CNTN5: variants seen among roughly 807,000 people sequenced by gnomAD.
CNTN5 encodes contactin 5, also known as contactin-5.
Under a neutral mutation model 129.1 loss-of-function variants are expected in CNTN5, and 77 were observed. The ratio of observed to expected loss-of-function variants is 0.60; its 90% CI spans 0.50 to 0.72. The LOEUF (loss-of-function observed/expected upper bound fraction) is 0.72. Ranked by LOEUF, CNTN5 falls within the 30% of genes least tolerant of loss-of-function variation. The pLI, the probability that CNTN5 is intolerant of heterozygous loss-of-function variation, is 0.00. For missense variants in CNTN5, 1,478 were observed against 1,328.8 expected, an observed-to-expected ratio of 1.11 and a Z score of -1.75; for synonymous variants, 509 against 465.6, an observed-to-expected ratio of 1.09 and a Z score of -1.20.
rs190565986 is a variant in CNTN5 at position 99,627,337 on chromosome 11, A to G, written c.55+71068A>G. On this transcript the variant is annotated intron_variant, in intron 3 of 24. Coordinates refer to ENST00000524871, the MANE Select transcript of CNTN5 (RefSeq NM_014361.4). ...TGGCTTGTAGCTTTTATTTTTCTTAATGAAAATTTGACTGATACAACTTCT... is the reference window on the plus strand; with the variant it reads ...TGGCTTGTAGCTTTTATTTTTCTTAGTGAAAATTTGACTGATACAACTTCT... Among the ~76,000 whole-genome samples the G allele has an allele frequency of 4.6e-5, 7 of 152,254 alleles. No individual in the cohort carries two copies. The East Asian group carries it at 1.4e-3, about 29-fold the overall frequency.
chr11:99,626,298 G>A (rs963186829), intron 3 of CNTN5, among the ~76,000 whole-genome samples: 1 of 152,076 alleles, frequency 6.6e-6, no homozygotes, highest in Non-Finnish European at 1.5e-5. Context: ...CAGTGCCTCC[G>A]ACTTGGTAAA....
intron 2 of CNTN5, among the ~76,000 whole-genome samples, chr11:99,328,174 A>G (rs1016038195): frequency 9.2e-5 from 14 of 152,250 alleles, no homozygotes; most frequent in South Asian, 4.1e-4. Flanking sequence ...CGTTTGCGAC[A>G]TAAGTATTGT....
Position 99,819,855 on chromosome 11 carries a change from C to T in CNTN5, c.277+90C>T. 4.7e-6 allele frequency: 4 copies of T among 845,654 alleles called. No individual in the cohort carries two copies. In the South Asian group the frequency reaches 4.8e-5, roughly 10 times the overall value. 52.4% of individuals were successfully genotyped at this position (845,654 alleles called of 1,614,324 possible). ...GTTGCAACAGAGATCAAGACTATTC[C>T]AGTAGGAGAGAGTGATTGAACTCAA... On this transcript the variant is annotated intron_variant, in intron 4 of 24. Transcript: ENST00000524871.
chr11:100,350,986 C>CCT (rs1383837452), intron 24 of CNTN5, 116 bp downstream of exon 24: 1 of 722,402 alleles, frequency 1.4e-6, no homozygotes, highest in African/African-American at 1.8e-5. Flanking sequence ...AGGGATTTCT[C>CCT]CTCTCTGATT....
intron 3 of CNTN5, among the ~76,000 whole-genome samples, chr11:99,645,104 A>T (rs913633631): frequency 6.1e-5 from 9 of 146,812 alleles, no homozygotes; most frequent in African/African-American, 1.8e-4. Context: ...TCTCTACTTT[A>T]AAAAAAAAAG....
At chr11:99,916,342 T>A (rs1299315896) in intron 7 of CNTN5, among the ~76,000 whole-genome samples, 193 bp downstream of exon 7, 2 of 152,144 alleles carry the variant, frequency 1.3e-5, no homozygotes, top group African/African-American at 4.8e-5. Context: ...TGAACTCCAA[T>A]AAGATTGTTT....
intron 8 of CNTN5, among the ~76,000 whole-genome samples, chr11:99,966,150 G>T (rs1951088049): frequency 6.6e-6 from 1 of 152,076 alleles, no homozygotes; most frequent in African/African-American, 2.4e-5. Flanking sequence ...CAAGAACATT[G>T]TGTTTTTACA....
intron 15 of CNTN5, among the ~76,000 whole-genome samples, chr11:100,202,927 T>A (rs1948817772): frequency 6.6e-6 from 1 of 151,982 alleles, no homozygotes; most frequent in Non-Finnish European, 1.5e-5. Context: ...CAAATCTGAT[T>A]TGCTGTTGTA....
intron 2 of CNTN5, among the ~76,000 whole-genome samples, chr11:99,358,374 G>A (rs556094794): frequency 1.4e-4 from 18 of 130,660 alleles, no homozygotes; most frequent in East Asian, 2.5e-4. Context: ...GATAGCAGCC[G>A]GGCGCGGTGG....
chr11:100,310,189 C>T (rs890947055), intron 21 of CNTN5, among the ~76,000 whole-genome samples: 12 of 152,034 alleles, frequency 7.9e-5, no homozygotes, highest in African/African-American at 2.6e-4. Context: ...TCACTCTAAA[C>T]CTCTGAATCG....
chr11:99,954,381 G>A (rs1459702946), intron 7 of CNTN5, among the ~76,000 whole-genome samples: 1 of 152,060 alleles, frequency 6.6e-6, no homozygotes, highest in African/African-American at 2.4e-5. Context: ...TAAAAAGTGG[G>A]AAAATCATAG....
rs146129049 is a variant in CNTN5 at position 99,638,823 on chromosome 11, G to A, written c.55+82554G>A. Among the ~76,000 whole-genome samples, 35 of 152,192 alleles carry A rather than the reference G, an allele frequency of 2.3e-4. No individual in the cohort carries two copies. In the East Asian group the frequency reaches 3.7e-3, roughly 16 times the overall value. ...CAGCCTCCCTCCCAGCTGCTTTCAC[G>A]GGCTGCGTTTGAGTGTCTGTGGCTT... On this transcript the variant is annotated intron_variant, in intron 3 of 24. Transcript: ENST00000524871.
chr11:99,588,934 G>A (rs1252966543), intron 3 of CNTN5, among the ~76,000 whole-genome samples: 6 of 152,184 alleles, frequency 3.9e-5, no homozygotes, highest in Non-Finnish European at 5.9e-5. Flanking sequence ...TTAATTATAT[G>A]AAGTAATTAG....
chr11:99,327,234 C>A (rs1865823051), intron 2 of CNTN5, among the ~76,000 whole-genome samples: 1 of 152,160 alleles, frequency 6.6e-6, no homozygotes, highest in Non-Finnish European at 1.5e-5. Flanking sequence ...GGTTTCAGAT[C>A]TAATGCTCAC....
chr11:100,297,713 T>C lies in CNTN5; in HGVS notation c.2385+18T>C. On this transcript the variant is annotated intron_variant, in intron 19 of 24. Coordinates refer to ENST00000524871, the MANE Select transcript of CNTN5 (RefSeq NM_014361.4). ...CCTGGGAGGTAAGAAAAACACATCC[T>C]CTCACAAATTACTCCACGTGTTTGT... 6.4e-7 allele frequency: 1 copy of C among 1,552,850 alleles called. No individual in the cohort carries two copies. The highest frequency in any genetic ancestry group is 1.7e-4 in the Middle Eastern group (1 of 5,928).
intron 3 of CNTN5, among the ~76,000 whole-genome samples, chr11:99,803,156 T>C (rs1946165139): frequency 6.6e-6 from 1 of 152,230 alleles, no homozygotes; most frequent in South Asian, 2.1e-4. Context: ...TTGACCCAGG[T>C]GAGCAGCTGC....
At chr11:99,898,037 C>G (rs1597998) in intron 6 of CNTN5, among the ~76,000 whole-genome samples, 1 of 152,100 alleles carries the variant, frequency 6.6e-6, no homozygotes, top group Non-Finnish European at 1.5e-5. Flanking sequence ...ATGAAAATAG[C>G]AACATAACAT....
At chr11:99,439,332 T>C (rs902569685) in intron 2 of CNTN5, among the ~76,000 whole-genome samples, 5 of 151,436 alleles carry the variant, frequency 3.3e-5, no homozygotes, top group African/African-American at 1.2e-4. Context: ...ATTTAAGATT[T>C]TAGAGAGGAA....
In CNTN5 at chr11:100,150,024, G is replaced by GAGAAA. The variant is rs759924136; in HGVS notation, c.1581-41099_1581-41095dup. Among the ~76,000 whole-genome samples the GAGAAA allele has an allele frequency of 7.9e-4, 120 of 152,180 alleles. No homozygotes were observed. The Middle Eastern group carries it at 0.02, about 26-fold the overall frequency. On this transcript the variant is annotated intron_variant, in intron 13 of 24. Coordinates refer to ENST00000524871, the MANE Select transcript of CNTN5 (RefSeq NM_014361.4). Reference sequence around the variant, plus strand: ...TGTGATATTCTACCAATATAAACAGGAGAAAAGTACTTGGTGTGGAGAGAA... The same window carrying GAGAAA: ...TGTGATATTCTACCAATATAAACAGGAGAAAAGAAAAGTACTTGGTGTGGAGAGAA...
Sources: gnomAD v4.1 joint callset for allele counts (sites outside exome capture counted in the v4.1 genomes callset) on GRCh38, gnomAD v4.1.1 for gene constraint, MANE v1.5 for transcripts, NCBI Gene and HGNC (gene_info 2026-07-23, HGNC 2026-07-21) for gene names.